MTA3: variants seen among roughly 807,000 people sequenced by gnomAD.
The protein encoded by MTA3 is metastasis-associated protein MTA3.
MTA3 carries 34 observed loss-of-function variants against 83.5 expected under a neutral mutation model. The observed-to-expected ratio is 0.41, with a 90% CI of 0.31 to 0.54. The LOEUF is 0.54. Ranked by LOEUF, MTA3 falls within the 20% of genes least tolerant of loss-of-function variation. The probability of loss-of-function intolerance (pLI) is 0.33; values close to 1 mark genes in which losing one functional copy is unlikely to be tolerated. For missense variants in MTA3, 761 were observed against 726.4 expected, an observed-to-expected ratio of 1.05 and a Z score of -0.55; for synonymous variants, 303 against 252.7, an observed-to-expected ratio of 1.20 and a Z score of -1.89.
At chr2:42,582,239 C>T (rs369785807) in intron 3 of MTA3, among the ~76,000 whole-genome samples, 1 of 151,882 alleles carries the variant, frequency 6.6e-6, no homozygotes, top group South Asian at 2.1e-4. Flanking sequence ...TTTGTCTTTT[C>T]AGTAGAGACG....
intron 3 of MTA3, among the ~76,000 whole-genome samples, chr2:42,585,694 G>C (rs1000600334): frequency 1.3e-5 from 2 of 151,560 alleles, no homozygotes; most frequent in African/African-American, 4.8e-5. Flanking sequence ...GGATGGTCTT[G>C]AACTTCCAAC....
chr2:42,735,062 G>C (rs1244540636), intron 16 of MTA3, among the ~76,000 whole-genome samples: 1 of 152,158 alleles, frequency 6.6e-6, no homozygotes, highest in South Asian at 2.1e-4. Context: ...AGTAAGTTTT[G>C]TACCTTCAGA....
In MTA3 at chr2:42,631,711, A is replaced by G. The variant is rs530857105; in HGVS notation, c.318-8462A>G. On this transcript the variant is annotated intron_variant, in intron 4 of 16. Transcript: ENST00000405094. ...TATTATTTTATTATTATTTTTTGAG[A>G]CGGAGTCTCCCTTAGTGACCCAGGC... Among the ~76,000 whole-genome samples the G allele has an allele frequency of 3.3e-5, 5 of 152,256 alleles. No individual in the cohort carries two copies. The South Asian group carries it at 1.0e-3, about 32-fold the overall frequency.
chr2:42,531,262 C>T (rs538764110), intron 2 of MTA3, among the ~76,000 whole-genome samples: 56 of 152,196 alleles, frequency 3.7e-4, no homozygotes, highest in African/African-American at 1.3e-3. Flanking sequence ...ACTGTTTACC[C>T]GGGTCTGTGG....
intron 7 of MTA3, 54 bp downstream of exon 7, chr2:42,656,356 T>G (rs997396898): frequency 2.7e-6 from 3 of 1,122,244 alleles, no homozygotes; most frequent in Non-Finnish European, 3.9e-6. Context: ...ATAAAAGAAT[T>G]TATAGGTATA....
intron 4 of MTA3, 34 bp downstream of exon 4, chr2:42,609,618 C>T: frequency 6.4e-7 from 1 of 1,559,506 alleles, no homozygotes; most frequent in Non-Finnish European, 8.7e-7. Context: ...GTACTCAGTA[C>T]TACGGTGACC....
At chr2:42,732,623 CAG>C (rs1668310965) in intron 16 of MTA3, among the ~76,000 whole-genome samples, 1 of 152,238 alleles carries the variant, frequency 6.6e-6, no homozygotes, top group South Asian at 2.1e-4. Context: ...CAAATTTCTA[CAG>C]CCAGCATTAA....
intron 12 of MTA3, among the ~76,000 whole-genome samples, chr2:42,704,653 C>T (rs1048461853): frequency 1.3e-5 from 2 of 152,138 alleles, no homozygotes; most frequent in African/African-American, 4.8e-5. Flanking sequence ...ACCAAATTCC[C>T]CTTTGGAGTT....
intron 2 of MTA3, among the ~76,000 whole-genome samples, chr2:42,548,907 G>T (rs1676937400): frequency 1.0e-5 from 1 of 95,266 alleles, no homozygotes; most frequent in African/African-American, 4.3e-5. Context: ...GGGCACGGTG[G>T]CTCACGCCTG....
intron 2 of MTA3, 106 bp from the exon 3 acceptor site, chr2:42,579,001 G>C: frequency 1.4e-6 from 1 of 693,934 alleles, no homozygotes; most frequent in South Asian, 2.2e-5. Context: ...GTTGGCACCA[G>C]TGTTAATGAG....
chr2:42,680,589 C>T lies in MTA3; in HGVS notation c.703-1812C>T, dbSNP rs144507742. Among the ~76,000 whole-genome samples the T allele has an allele frequency of 1.3e-3, 201 of 152,260 alleles. 2 individuals are homozygous for T. Among genetic ancestry groups the T allele is most frequent in the African/African-American group, 4.3e-3 (180 of 41,556 alleles). On this transcript the variant is annotated intron_variant, in intron 8 of 16. Coordinates refer to ENST00000405094, the MANE Select transcript of MTA3 (RefSeq NM_001330442.2). ...AAGAATTAGATCACTTTGCAGCACC[C>T]ATGTGCTAATCCGCGACATAGGCAG...
At chr2:42,542,969 C>T (rs1676589045) in intron 2 of MTA3, among the ~76,000 whole-genome samples, 2 of 152,052 alleles carry the variant, frequency 1.3e-5, no homozygotes, top group South Asian at 4.1e-4. Context: ...TTAAGTCTCC[C>T]CGAGGAGTTT....
At chr2:42,572,551 G>A (rs1678608386) in intron 2 of MTA3, among the ~76,000 whole-genome samples, 1 of 152,154 alleles carries the variant, frequency 6.6e-6, no homozygotes, top group South Asian at 2.1e-4. Context: ...CTCCAGCCTG[G>A]GTAACACAGA....
At chr2:42,649,074 C>A (rs1688467689) in intron 6 of MTA3, among the ~76,000 whole-genome samples, 1 of 152,086 alleles carries the variant, frequency 6.6e-6, no homozygotes, top group South Asian at 2.1e-4. Flanking sequence ...CAGTCTTCTC[C>A]CCCTGGCCTC....
intron 3 of MTA3, among the ~76,000 whole-genome samples, chr2:42,594,358 T>C (rs1681431398): frequency 6.7e-6 from 1 of 150,292 alleles, no homozygotes; most frequent in South Asian, 2.1e-4. Flanking sequence ...TGCCTCAGCC[T>C]TCTGAGTAGC....
intron 2 of MTA3, among the ~76,000 whole-genome samples, chr2:42,518,167 T>A (rs1257279449): frequency 6.6e-6 from 1 of 151,612 alleles, no homozygotes; most frequent in East Asian, 1.9e-4. Flanking sequence ...GGTGACAGAG[T>A]GAAACTCGGT....
At chr2:42,586,616 A>T (rs1171099643) in intron 3 of MTA3, among the ~76,000 whole-genome samples, 1 of 129,910 alleles carries the variant, frequency 7.7e-6, no homozygotes, top group Non-Finnish European at 1.6e-5. Flanking sequence ...ACACACACAC[A>T]TCGTTGGCTG....
At chr2:42,589,314 A>G (rs1680697005) in intron 3 of MTA3, among the ~76,000 whole-genome samples, 1 of 152,136 alleles carries the variant, frequency 6.6e-6, no homozygotes. Flanking sequence ...TAAATACATG[A>G]TGCAAATTTT....
At chr2:42,621,355 A>G (rs1432954747) in intron 4 of MTA3, among the ~76,000 whole-genome samples, 2 of 152,204 alleles carry the variant, frequency 1.3e-5, no homozygotes, top group East Asian at 1.9e-4. Flanking sequence ...GCTGCCTTCA[A>G]GCATCTGTTT....
Sources: gnomAD v4.1 joint callset for allele counts (sites outside exome capture counted in the v4.1 genomes callset) on GRCh38, gnomAD v4.1.1 for gene constraint, MANE v1.5 for transcripts, NCBI Gene and HGNC (gene_info 2026-07-23, HGNC 2026-07-21) for gene names.